Variants in GRID2 observed in about 807,000 individuals in gnomAD.
The protein encoded by GRID2 is glutamate ionotropic receptor delta type subunit 2.
A neutral mutation model predicts 114.8 loss-of-function variants in GRID2; 33 were observed. The ratio of observed to expected loss-of-function variants is 0.29; its 90% CI spans 0.22 to 0.38. GRID2 has a LOEUF of 0.38. GRID2 is among the 10% of genes least tolerant of loss of function. The probability of loss-of-function intolerance (pLI) is 1.00; values close to 1 mark genes in which losing one functional copy is unlikely to be tolerated. For synonymous variants in GRID2, 505 were observed against 449.9 expected (o/e 1.12, Z -1.55); for missense variants, 1,184 against 1,257.7 (o/e 0.94, Z 0.89).
Position 93,422,766 on chromosome 4 carries a change from T to C in GRID2, c.1348-5T>C, listed in dbSNP as rs978600475. The C allele has an allele frequency of 2.5e-6, 4 of 1,597,048 alleles. No individual in the cohort carries two copies. Among genetic ancestry groups the C allele is most frequent in the Middle Eastern group, 1.7e-4 (1 of 6,010 alleles). ...ACATCAGAAATTTCTCTTATTTCCATGTAGGAAGAACCTTTTGTGATGGTC... is the reference window on the plus strand; with the variant it reads ...ACATCAGAAATTTCTCTTATTTCCACGTAGGAAGAACCTTTTGTGATGGTC... On this transcript the variant is annotated splice_polypyrimidine_tract_variant and splice_region_variant and intron_variant, in intron 9 of 15. Transcript: ENST00000282020.
chr4:92,326,940 A>G (rs1351998967), intron 1 of GRID2, among the ~76,000 whole-genome samples: 1 of 151,912 alleles, frequency 6.6e-6, no homozygotes, highest in Admixed American at 6.6e-5. Context: ...CCTTGCCAAC[A>G]AGAAGCCACA....
At chr4:92,545,656 T>G (rs1579556644) in intron 1 of GRID2, among the ~76,000 whole-genome samples, 1 of 152,356 alleles carries the variant, frequency 6.6e-6, no homozygotes, top group East Asian at 1.9e-4. Flanking sequence ...TCTGTCTCTG[T>G]ATGTTTGAAA....
intron 1 of GRID2, among the ~76,000 whole-genome samples, chr4:92,437,231 C>T (rs1356356276): frequency 5.9e-5 from 9 of 152,124 alleles, no homozygotes; most frequent in African/African-American, 1.9e-4. Flanking sequence ...ATTTCACCGA[C>T]GAATGATTGG....
intron 1 of GRID2, among the ~76,000 whole-genome samples, chr4:92,364,069 C>T (rs1728742024): frequency 6.6e-6 from 1 of 151,934 alleles, no homozygotes; most frequent in African/African-American, 2.4e-5. Flanking sequence ...TATCCACCCA[C>T]CTCTGCCTCC....
chr4:92,886,099 G>A (rs982989920), intron 2 of GRID2, among the ~76,000 whole-genome samples: 5 of 151,864 alleles, frequency 3.3e-5, no homozygotes, highest in African/African-American at 1.2e-4. Flanking sequence ...GCCCTTTCTA[G>A]TACAAAATAA....
At chr4:92,462,709 T>TA (rs200939666) in intron 1 of GRID2, among the ~76,000 whole-genome samples, 7,771 of 151,118 alleles carry the variant, frequency 0.051, 244 homozygotes, top group East Asian at 0.084. Flanking sequence ...GTGATCGGTT[T>TA]AAAAAAAAAG....
chr4:93,094,095 C>T (rs1319930011), intron 3 of GRID2, among the ~76,000 whole-genome samples: 1 of 151,922 alleles, frequency 6.6e-6, no homozygotes, highest in Non-Finnish European at 1.5e-5. Flanking sequence ...TCCAATATTT[C>T]CAAGCGTTGA....
intron 1 of GRID2, among the ~76,000 whole-genome samples, chr4:92,557,819 G>T (rs1057402005): frequency 6.6e-6 from 1 of 152,058 alleles, no homozygotes; most frequent in Non-Finnish European, 1.5e-5. Context: ...AAAGGCTGAA[G>T]GCTACACCTA....
At chr4:92,919,499 G>A (rs142313109) in intron 2 of GRID2, among the ~76,000 whole-genome samples, 2,777 of 152,106 alleles carry the variant, frequency 0.018, 40 homozygotes, top group East Asian at 0.078. Flanking sequence ...AGTGCTATAA[G>A]TTTCCCTCTA....
intron 13 of GRID2, among the ~76,000 whole-genome samples, chr4:93,570,948 C>G (rs1369175510): frequency 6.6e-6 from 1 of 152,138 alleles, no homozygotes; most frequent in Non-Finnish European, 1.5e-5. Flanking sequence ...CTACTTCCCT[C>G]TCCTTCTGCC....
intron 2 of GRID2, among the ~76,000 whole-genome samples, chr4:92,652,906 A>ATATATTTATAAATACATATAAATC: frequency 7.2e-6 from 1 of 138,092 alleles, no homozygotes; most frequent in Non-Finnish European, 1.6e-5. Context: ...ACATATAAAT[A>ATATATTTATAAATACATATAAATC]TATATTTATA....
At chr4:92,755,992 T>G (rs1737701396) in intron 2 of GRID2, among the ~76,000 whole-genome samples, 1 of 152,146 alleles carries the variant, frequency 6.6e-6, no homozygotes. Flanking sequence ...TTCTAGCTAT[T>G]TGAAATGTAC....
intron 11 of GRID2, among the ~76,000 whole-genome samples, chr4:93,488,463 C>A (rs1451606379): frequency 6.6e-6 from 1 of 151,822 alleles, no homozygotes; most frequent in Non-Finnish European, 1.5e-5. Context: ...GTAGTGGGAA[C>A]TCGTGGTTGT....
intron 1 of GRID2, among the ~76,000 whole-genome samples, chr4:93,780,839 A>G (rs1354927453): frequency 6.6e-6 from 1 of 152,224 alleles, no homozygotes; most frequent in Admixed American, 6.5e-5. Context: ...TAGAAAAAGT[A>G]AACTGGTAGC....
chr4:93,754,295 G>A (rs916774176), intron 14 of GRID2, among the ~76,000 whole-genome samples: 1 of 152,100 alleles, frequency 6.6e-6, no homozygotes, highest in African/African-American at 2.4e-5. Flanking sequence ...CACAGTACAA[G>A]TCCTCTTTTT....
chr4:92,761,154 T>A (rs1737992184), intron 2 of GRID2, among the ~76,000 whole-genome samples: 1 of 152,158 alleles, frequency 6.6e-6, no homozygotes, highest in Admixed American at 6.6e-5. Flanking sequence ...TGACTTTCTG[T>A]CTGCTTTGCA....
chr4:92,664,116 T>C (rs1732654412), intron 2 of GRID2, among the ~76,000 whole-genome samples: 1 of 151,236 alleles, frequency 6.6e-6, no homozygotes, highest in Admixed American at 6.6e-5. Context: ...ACTATCGATT[T>C]GAGATCTTTT....
At chr4:92,440,510 G>A (rs1289714219) in intron 1 of GRID2, among the ~76,000 whole-genome samples, 3 of 152,082 alleles carry the variant, frequency 2.0e-5, no homozygotes, top group African/African-American at 2.4e-5. Flanking sequence ...GCAAATCCTC[G>A]AGCTTGATGT....
intron 1 of GRID2, among the ~76,000 whole-genome samples, chr4:92,512,050 T>G (rs1724278829): frequency 6.7e-6 from 1 of 148,608 alleles, no homozygotes. Context: ...CCATTCTATT[T>G]TTTTTTTTCT....
Sources: allele counts gnomAD v4.1 joint callset (sites outside exome capture counted in the v4.1 genomes callset), GRCh38; gene constraint gnomAD v4.1.1; transcripts MANE v1.5; gene names NCBI Gene and HGNC (gene_info 2026-07-23, HGNC 2026-07-21).